Variants in ECI2 observed in about 807,000 individuals in gnomAD.
The protein encoded by ECI2 is D3,D2-enoyl-CoA isomerase.
A neutral mutation model predicts 38.4 loss-of-function variants in ECI2; 27 were observed. That is an observed-to-expected ratio of 0.70 (90% CI 0.52 to 0.97). ECI2 has a LOEUF of 0.97. Among genes scored for constraint, ECI2 ranks in the 50% least tolerant of loss-of-function variants. The pLI is 0.00. For missense variants in ECI2, 470 were observed against 474.4 expected (o/e 0.99, Z 0.09); for synonymous variants, 168 against 172.0 (o/e 0.98, Z 0.18).
chr6:4,133,969 G>A (rs565330473), intron 1 of ECI2, among the ~76,000 whole-genome samples: 5 of 152,316 alleles, frequency 3.3e-5, no homozygotes, highest in Admixed American at 1.3e-4. Context: ...AGCAACTAAA[G>A]ATAAAAGCAG....
In ECI2 at chr6:4,127,404, CTTTTTTTTT is replaced by C. The variant is rs71001567; in HGVS notation, c.571+349_571+357del. On this transcript the variant is annotated intron_variant, in intron 5 of 9. Coordinates refer to ENST00000380118, the MANE Select transcript of ECI2 (RefSeq NM_206836.3). The stretch of plus-strand genomic sequence containing the variant: ...ACAGTACTGGAAAAGATCTTAGAGC[CTTTTTTTTT>C]TTTTTTTTTTTTTTTTTTTGAGACA... 1.4e-3 allele frequency among the ~76,000 whole-genome samples: 105 copies of C among 75,874 alleles called. 1 individual carries two copies. In the East Asian group the frequency reaches 0.037, roughly 27 times the overall value. 49.8% of individuals were successfully genotyped at this position (75,874 alleles called of 152,430 possible).
intron 7 of ECI2, among the ~76,000 whole-genome samples, chr6:4,119,955 T>A (rs1772587308): frequency 6.6e-6 from 1 of 151,828 alleles, no homozygotes; most frequent in Non-Finnish European, 1.5e-5. Context: ...GCATTTTGAG[T>A]CTGACTTCTG....
At chr6:4,125,864 T>A in intron 6 of ECI2, 1 of 555,676 alleles carries the variant, frequency 1.8e-6, no homozygotes, top group East Asian at 3.9e-5. Context: ...TCTGCCTCAG[T>A]GCAAGATAAT....
chr6:4,134,534 A>G (rs638329), intron 1 of ECI2, among the ~76,000 whole-genome samples: 42,876 of 152,082 alleles, frequency 0.28, 8,045 homozygotes, highest in African/African-American at 0.53. Context: ...ACACTGAATA[A>G]TAGAGTTAAT....
intron 7 of ECI2, among the ~76,000 whole-genome samples, chr6:4,120,132 G>A (rs575205562): frequency 7.9e-5 from 12 of 152,264 alleles, no homozygotes; most frequent in African/African-American, 1.9e-4. Flanking sequence ...CACTAGCAAC[G>A]TATGAAAGGC....
intron 2 of ECI2, among the ~76,000 whole-genome samples, chr6:4,132,405 C>T (rs1425666908): frequency 6.6e-6 from 1 of 152,050 alleles, no homozygotes; most frequent in Non-Finnish European, 1.5e-5. Context: ...CACCCTAAAT[C>T]ACATCGTTAA....
chr6:4,133,818 T>C (rs574272209), intron 1 of ECI2, 107 bp from the exon 2 acceptor site: 12 of 1,343,424 alleles, frequency 8.9e-6, no homozygotes, highest in Admixed American at 3.2e-5. Context: ...TGTTTGTCTA[T>C]AGATATTTTC....
At chr6:4,131,296 G>A (rs1266072966) in intron 2 of ECI2, among the ~76,000 whole-genome samples, 4 of 152,132 alleles carry the variant, frequency 2.6e-5, no homozygotes, top group African/African-American at 9.7e-5. Flanking sequence ...CTAATTCAGT[G>A]GTGGACTTTT....
intron 7 of ECI2, among the ~76,000 whole-genome samples, chr6:4,121,385 C>T (rs1452985035): frequency 6.6e-6 from 1 of 152,064 alleles, no homozygotes; most frequent in East Asian, 1.9e-4. Context: ...AATCTTTTCT[C>T]CTGGTCTATG....
At position 4,135,535 on chromosome 6, in the gene ECI2, C is replaced by T. The variant is rs1464772022; in HGVS notation, c.26G>A (p.Arg9Lys). The change falls in exon 1 of 10, where the codon AGA becomes AAA. Residue 9 changes from arginine to lysine, a missense_variant. By Grantham distance (26) the Arg-to-Lys change is conservative. Transcript: ENST00000380118. MAMAYLAWRLARRSCPSSL... is the reference protein window; with the variant it reads MAMAYLAWKLARRSCPSSL... ...CCTCGGACACGAACGCCGCGCCAGT[C>T]TCCAAGCCAAGTACGCCATCGCCAT... 1 of 1,611,088 alleles carries T rather than the reference C, an allele frequency of 6.2e-7. No homozygotes were observed. The highest frequency in any genetic ancestry group is 1.3e-5 in the African/African-American group (1 of 74,532).
chr6:4,119,113 G>T, intron 8 of ECI2, 73 bp downstream of exon 8: 1 of 1,228,518 alleles, frequency 8.1e-7, no homozygotes, highest in Non-Finnish European at 1.2e-6. Context: ...AGAAGGGAGA[G>T]TATATGAGAT....
rs1223846442 is a variant in ECI2, at chr6:4,117,353, T to C, written c.984A>G (p.Lys328=). 1.2e-6 allele frequency: 2 copies of C among 1,613,952 alleles called. No individual in the cohort carries two copies. Among genetic ancestry groups the C allele is most frequent in the Non-Finnish European group, 1.7e-6 (2 of 1,179,918 alleles). Residue 328 remains lysine, a synonymous_variant, in exon 9 of 10, where the codon AAA becomes AAG. Transcript: ENST00000380118. ...ATGCCTTCAGCCTGGTCCAGACTTC[T>C]TTCTGAAAAGTGCTATCAGGGAAAA... The part of the protein sequence containing the change: ...TEVFPDSTFQ[K]EVWTRLKAFA...
intron 7 of ECI2, among the ~76,000 whole-genome samples, chr6:4,123,525 T>A (rs1175282740): frequency 6.6e-6 from 1 of 150,508 alleles, no homozygotes; most frequent in Non-Finnish European, 1.5e-5. Flanking sequence ...TTGGCCAAAT[T>A]TTTTAGCATT....
rs146324441 is a variant in ECI2 at position 4,133,649 on chromosome 6, G to T, written c.113C>A (p.Ala38Asp). The T allele has an allele frequency of 3.4e-5, 55 of 1,613,764 alleles. No homozygotes were observed. The African/African-American group carries it at 6.8e-4, about 20-fold the overall frequency. Residue 38 changes from alanine (A) to aspartate (D), a missense_variant, in exon 2 of 10, where the codon GCC (alanine) becomes GAC (aspartate). Coordinates refer to ENST00000380118, the MANE Select transcript of ECI2 (RefSeq NM_206836.3). ...QLHMNRTAMR[A>D]SQKDFENSMN... is the part of the protein sequence containing the mutation. ...TGAATTTTCAAAGTCCTTCTGACTG[G>T]CTCTCATTGCTGTTCTATTCATGTG...
chr6:4,119,285 C>G lies in ECI2; in HGVS notation c.796-10G>C, dbSNP rs1772509516. 6.3e-7 allele frequency: 1 copy of G among 1,576,026 alleles called. No homozygotes were observed. The highest frequency in any genetic ancestry group is 1.9e-5 in the Admixed American group (1 of 53,426). ...GTGTATGAAATGTTGCCTGCAGAGG[C>G]AGGAGAGAAAAGAAAACCATCTTTT... On this transcript the variant is annotated splice_polypyrimidine_tract_variant and intron_variant, in intron 7 of 9. Coordinates refer to ENST00000380118, the MANE Select transcript of ECI2 (RefSeq NM_206836.3).
At chr6:4,118,530 A>C (rs1177156166) in intron 8 of ECI2, 3 of 152,318 alleles carry the variant, frequency 2.0e-5, no homozygotes, top group Non-Finnish European at 2.9e-5. Flanking sequence ...ATATTTGCTA[A>C]GCCTTTTCCT....
Position 4,133,569 on chromosome 6 carries a change from G to A in ECI2, c.193C>T (p.Leu65Phe), listed in dbSNP as rs1309695801. Reference sequence around the variant, plus strand: ...TTTACCTGCTTATATAGCGCGTAGAGTTTTAGCTTCACTTCGTTTCCTGGA... The same window carrying A: ...TTTACCTGCTTATATAGCGCGTAGAATTTTAGCTTCACTTCGTTTCCTGGA... ...KDPGNEVKLK[L>F]YALYKQATEG... The change falls in exon 2 of 10, where the codon CTC becomes TTC. Residue 65 changes from leucine (L) to phenylalanine (F), a missense_variant. Leu to Phe is a conservative substitution (Grantham distance 22). Coordinates refer to ENST00000380118, the MANE Select transcript of ECI2 (RefSeq NM_206836.3). 2 of 1,613,364 alleles carry A rather than the reference G, an allele frequency of 1.2e-6. No homozygotes were observed. Among genetic ancestry groups the A allele is most frequent in the Admixed American group, 1.7e-5 (1 of 59,872 alleles).
intron 7 of ECI2, among the ~76,000 whole-genome samples, chr6:4,120,782 C>T (rs147624386): frequency 1.1e-3 from 173 of 151,998 alleles, no homozygotes; most frequent in African/African-American, 4.0e-3. Flanking sequence ...GTTTTACATG[C>T]AGTCTGCCAT....
intron 4 of ECI2, among the ~76,000 whole-genome samples, chr6:4,128,403 A>G (rs1157818084): frequency 6.6e-6 from 1 of 152,224 alleles, no homozygotes; most frequent in Non-Finnish European, 1.5e-5. Context: ...TTAAATCAGC[A>G]ACATTTCTGA....
Sources: gnomAD v4.1 joint callset for allele counts (sites outside exome capture counted in the v4.1 genomes callset) on GRCh38, gnomAD v4.1.1 for gene constraint, MANE v1.5 for transcripts, NCBI Gene and HGNC (gene_info 2026-07-23, HGNC 2026-07-21) for gene names.